The following RARB variants were observed in gnomAD, a reference collection of about 807,000 sequenced individuals.
The protein encoded by RARB is retinoic acid receptor beta, also known as HBV-activated protein.
A neutral mutation model predicts 51.9 loss-of-function variants in RARB; 17 were observed. That is an observed-to-expected ratio of 0.33 (90% confidence interval 0.22 to 0.49). RARB has a LOEUF of 0.49. Ranked by LOEUF, RARB falls within the 20% of genes least tolerant of loss-of-function variation. The pLI, the probability that RARB is intolerant of heterozygous loss-of-function variation, is 0.99. For synonymous variants in RARB, 215 were observed against 195.4 expected (o/e 1.10, Z -0.84); for missense variants, 369 against 550.8 (o/e 0.67, Z 3.30).
At chr3:25,170,182 C>CT (rs1327842637) in intron 4 of RARB, among the ~76,000 whole-genome samples, 3 of 152,130 alleles carry the variant, frequency 2.0e-5, no homozygotes, top group African/African-American at 7.2e-5. Context: ...TGGAATACAG[C>CT]CACACCAAAT....
At chr3:25,337,796 T>C (rs1320006452) in intron 5 of RARB, among the ~76,000 whole-genome samples, 1 of 152,062 alleles carries the variant, frequency 6.6e-6, no homozygotes, top group Non-Finnish European at 1.5e-5. Flanking sequence ...GAATGTACAT[T>C]CCAGGAGTAT....
chr3:24,969,285 A>C (rs558804953), intron 2 of RARB, among the ~76,000 whole-genome samples: 5 of 152,222 alleles, frequency 3.3e-5, no homozygotes, highest in Non-Finnish European at 7.4e-5. Flanking sequence ...GAAAACCAGC[A>C]AAAAGCTAAG....
chr3:24,848,637 T>C (rs761763239), intron 1 of RARB, among the ~76,000 whole-genome samples: 2 of 152,204 alleles, frequency 1.3e-5, no homozygotes, highest in Non-Finnish European at 2.9e-5. Context: ...GACCACAAGG[T>C]CTTTTGCTGT....
At chr3:25,328,616 C>G (rs1476753116) in intron 5 of RARB, among the ~76,000 whole-genome samples, 1 of 152,196 alleles carries the variant, frequency 6.6e-6, no homozygotes, top group Non-Finnish European at 1.5e-5. Context: ...ATGAGCGACA[C>G]AGAAGACAGG....
rs1396830996 is a variant in RARB at position 25,247,493 on chromosome 3, C to T, written c.178+72918C>T. Among the ~76,000 whole-genome samples the T allele has an allele frequency of 2.0e-5, 3 of 152,170 alleles. No homozygotes were observed. The East Asian group carries it at 5.8e-4, about 29-fold the overall frequency. On this transcript the variant is annotated intron_variant, in intron 5 of 11. Coordinates refer to the RARB transcript ENST00000383772. ...CTCCTGGTCTGTGGGTTGTGAAGAC[C>T]CTGGGAAAAGCCTAGTATCTGGGCC... is the stretch of plus-strand genomic sequence containing the variant.
chr3:25,118,391 T>C (rs1399702600), intron 3 of RARB, among the ~76,000 whole-genome samples: 2 of 152,182 alleles, frequency 1.3e-5, no homozygotes, highest in Admixed American at 1.3e-4. Context: ...GAGTATCTCT[T>C]TCACACCTTG....
chr3:25,278,686 G>C (rs554415053), intron 5 of RARB, among the ~76,000 whole-genome samples: 7 of 152,312 alleles, frequency 4.6e-5, no homozygotes, highest in African/African-American at 1.7e-4. Flanking sequence ...TAAGCAGAAA[G>C]AGATAGCAAA....
At chr3:24,834,525 T>C (rs866352685) in intron 1 of RARB, among the ~76,000 whole-genome samples, 1 of 152,188 alleles carries the variant, frequency 6.6e-6, no homozygotes, top group African/African-American at 2.4e-5. Flanking sequence ...GCTTCCCCTC[T>C]TTCACTAGGA....
At chr3:25,392,273 G>C (rs757300024) in intron 5 of RARB, among the ~76,000 whole-genome samples, 1 of 152,110 alleles carries the variant, frequency 6.6e-6, no homozygotes, top group African/African-American at 2.4e-5. Context: ...CCAGTACCAT[G>C]CTGTTTTGAT....
At chr3:25,232,973 CTTTTTTT>C (rs71061205) in intron 5 of RARB, among the ~76,000 whole-genome samples, 4 of 118,770 alleles carry the variant, frequency 3.4e-5, no homozygotes, top group South Asian at 5.7e-4. Flanking sequence ...TTTTCTTTTT[CTTTTTTT>C]TTTTTTTTTT....
At chr3:25,131,853 T>A (rs1699958928) in intron 3 of RARB, among the ~76,000 whole-genome samples, 1 of 151,876 alleles carries the variant, frequency 6.6e-6, no homozygotes, top group African/African-American at 2.4e-5. Context: ...GAGAAGTTTT[T>A]CACCGTTACT....
chr3:25,569,750 G>A lies in RARB; in HGVS notation c.449-8G>A, dbSNP rs367760865. 57 of 1,612,192 alleles carry A rather than the reference G, an allele frequency of 3.5e-5. No individual in the cohort carries two copies. Among genetic ancestry groups the A allele is most frequent in the Middle Eastern group, 3.3e-4 (2 of 6,058 alleles). Reference sequence around the variant, plus strand: ...CGACCCCTGATGTGCCTTCTCTCTCGTTTCCAGCTGTCAGGAATGACAGGA... The same window carrying A: ...CGACCCCTGATGTGCCTTCTCTCTCATTTCCAGCTGTCAGGAATGACAGGA... On this transcript the variant is annotated splice_region_variant and splice_polypyrimidine_tract_variant and intron_variant, in intron 3 of 7. Coordinates refer to ENST00000330688, the MANE Select transcript of RARB (RefSeq NM_000965.5).
intron 4 of RARB, among the ~76,000 whole-genome samples, chr3:25,147,628 A>T (rs1700216077): frequency 1.3e-5 from 2 of 152,206 alleles, no homozygotes; most frequent in Non-Finnish European, 2.9e-5. Context: ...AATACGGAGG[A>T]TAAACATAAA....
At position 25,064,607 on chromosome 3, in the gene RARB, G is replaced by C. The variant is rs114486824; in HGVS notation, c.-328+4431G>C. On this transcript the variant is annotated intron_variant, in intron 3 of 11. Transcript: ENST00000383772. ...GGGGTCAACTTCACCCAGTGCTATT[G>C]TGAAATGTAGTTAGGGAAAATAGGA... is the stretch of plus-strand genomic sequence containing the variant. Among the ~76,000 whole-genome samples the C allele has an allele frequency of 7.9e-3, 1,206 of 152,206 alleles. 16 individuals are homozygous for C. The highest frequency in any genetic ancestry group is 0.028 in the African/African-American group (1,158 of 41,514).
chr3:25,464,231 T>A (rs1416809374), intron 2 of RARB, among the ~76,000 whole-genome samples: 1 of 152,208 alleles, frequency 6.6e-6, no homozygotes, highest in Non-Finnish European at 1.5e-5. Context: ...CTGTGGCACA[T>A]ACTAGGAGCT....
chr3:25,377,243 T>C (rs1706490878), intron 5 of RARB, among the ~76,000 whole-genome samples: 7 of 152,204 alleles, frequency 4.6e-5, no homozygotes, highest in Admixed American at 4.6e-4. Context: ...CTTTGTCTAA[T>C]TGTTTTTTCT....
intron 5 of RARB, among the ~76,000 whole-genome samples, chr3:25,218,241 G>A (rs1207063239): frequency 1.3e-5 from 2 of 152,068 alleles, no homozygotes; most frequent in Non-Finnish European, 2.9e-5. Context: ...TAGGGAGGAT[G>A]GTTTTTCCTG....
chr3:25,196,596 C>T lies in RARB; in HGVS notation c.178+22021C>T, dbSNP rs184039622. Among the ~76,000 whole-genome samples the T allele has an allele frequency of 5.3e-5, 8 of 152,006 alleles. No individual in the cohort carries two copies. In the South Asian group the frequency reaches 1.0e-3, roughly 20 times the overall value. On this transcript the variant is annotated intron_variant, in intron 5 of 11. Transcript: ENST00000383772. Reference sequence around the variant, plus strand: ...TTTGGGTATACACCCAGTAATAGGACGGCTGGGTCAAATGGTATTACTAGT... The same window carrying T: ...TTTGGGTATACACCCAGTAATAGGATGGCTGGGTCAAATGGTATTACTAGT...
At chr3:25,009,639 G>C (rs962240725) in intron 2 of RARB, among the ~76,000 whole-genome samples, 1 of 152,044 alleles carries the variant, frequency 6.6e-6, no homozygotes, top group African/African-American at 2.4e-5. Flanking sequence ...GAAACACTTA[G>C]GCATTTCACC....
Sources: allele counts gnomAD v4.1 joint callset (sites outside exome capture counted in the v4.1 genomes callset), GRCh38; gene constraint gnomAD v4.1.1; transcripts MANE v1.5; gene names NCBI Gene and HGNC (gene_info 2026-07-23, HGNC 2026-07-21).